ZSCAN25: variants seen among roughly 807,000 people sequenced by gnomAD.
ZSCAN25 encodes zinc finger and SCAN domain-containing protein 25.
Under a neutral mutation model 38.7 loss-of-function variants are expected in ZSCAN25, and 27 were observed. The ratio of observed to expected loss-of-function variants is 0.70; its 90% CI spans 0.51 to 0.96. The LOEUF (loss-of-function observed/expected upper bound fraction) is 0.96, where lower values mean the gene tolerates loss of function less well. ZSCAN25 is among the 40% of genes least tolerant of loss of function. ZSCAN25 has a pLI of 0.00. For missense variants in ZSCAN25, 637 were observed against 705.9 expected (o/e 0.90, Z 1.11); for synonymous variants, 273 against 277.7 (o/e 0.98, Z 0.17).
chr7:99,717,447 A>T, the ZSCAN25 span: 15 of 1,594,356 alleles, frequency 9.4e-6, no homozygotes, highest in Non-Finnish European at 1.3e-5. Context: ...CTCGGAAAGG[A>T]ACTCTGATCT....
chr7:99,693,836 C>A, the ZSCAN25 span, among the ~76,000 whole-genome samples: 1 of 152,194 alleles, frequency 6.6e-6, no homozygotes, highest in Admixed American at 6.5e-5. Context: ...TCCTATTCGG[C>A]CATCTTGGAA....
chr7:99,625,024 G>A (rs1435878118), intron 7 of ZSCAN25, among the ~76,000 whole-genome samples: 2 of 152,144 alleles, frequency 1.3e-5, no homozygotes, highest in East Asian at 3.8e-4. Context: ...ACCCCACCTA[G>A]CCTTTCCTTA....
the ZSCAN25 span, chr7:99,664,127 T>A: frequency 6.5e-7 from 1 of 1,529,498 alleles, no homozygotes; most frequent in Non-Finnish European, 8.8e-7. Context: ...CAAAAGGAAA[T>A]CATTGAAAAT....
intron 5 of ZSCAN25, 191 bp from the exon 6 acceptor site, chr7:99,622,358 C>G: frequency 1.6e-6 from 1 of 630,058 alleles, no homozygotes; most frequent in South Asian, 1.8e-5. Flanking sequence ...CAGGCCCCAG[C>G]TGAGAATAGG....
At position 99,632,050 on chromosome 7, in the gene ZSCAN25, GA is replaced by G. The variant is rs756406052; in HGVS notation, c.*2032del. ...CTCGGGGGGCTGCTTGTCATTACCT[GA>G]ATCACAGATGCTCTTTTGTCATACA... On this transcript the variant is annotated 3_prime_UTR_variant, in exon 8 of 8. Coordinates refer to ENST00000394152, the MANE Select transcript of ZSCAN25 (RefSeq NM_145115.3). 8 of 985,466 alleles carry G rather than the reference GA, an allele frequency of 8.1e-6. 1 individual carries two copies. The highest frequency in any genetic ancestry group is 9.6e-6 in the Non-Finnish European group (8 of 829,972). 61.0% of individuals were successfully genotyped at this position (985,466 alleles called of 1,614,324 possible). A position where few individuals can be genotyped will look rare whatever the true frequency, so the allele number is the denominator to read the frequency against.
At chr7:99,622,980 G>A (rs573087583) in intron 6 of ZSCAN25, among the ~76,000 whole-genome samples, 8 of 152,258 alleles carry the variant, frequency 5.3e-5, no homozygotes, top group African/African-American at 1.4e-4. Flanking sequence ...CTAATTTTTT[G>A]TATTTTTAGT....
Position 99,631,858 on chromosome 7 carries a change from C to T in ZSCAN25, c.*1838C>T, listed in dbSNP as rs961925801. 1.6e-5 allele frequency: 16 copies of T among 985,444 alleles called. No homozygotes were observed. Among genetic ancestry groups the T allele is most frequent in the Non-Finnish European group, 1.9e-5 (16 of 829,968 alleles). The allele number at this position is 985,444 out of a possible 1,614,324, so 61.0% of individuals were successfully genotyped here. ...ATGTCCACACGGGGCTGCTGCTGCT[C>T]CTCTGTAATACTGAGGTCCACATGC... On this transcript the variant is annotated 3_prime_UTR_variant, in exon 8 of 8. Coordinates refer to ENST00000394152, the MANE Select transcript of ZSCAN25 (RefSeq NM_145115.3).
the ZSCAN25 span, among the ~76,000 whole-genome samples, chr7:99,681,685 C>G: frequency 1.3e-5 from 2 of 152,158 alleles, no homozygotes; most frequent in Non-Finnish European, 2.9e-5. Context: ...GTTGTTTGAG[C>G]GCTTCATGTA....
chr7:99,717,059 C>T, the ZSCAN25 span: 2 of 1,276,098 alleles, frequency 1.6e-6, no homozygotes. Context: ...GTTGCATTAC[C>T]ACAGCCCTCC....
chr7:99,732,042 A>G, the ZSCAN25 span, among the ~76,000 whole-genome samples: 1 of 152,160 alleles, frequency 6.6e-6, no homozygotes, highest in Non-Finnish European at 1.5e-5. Flanking sequence ...GCCCCTACCC[A>G]AATCTCATGT....
At chr7:99,663,102 T>C in the ZSCAN25 span, 1 of 1,264,702 alleles carries the variant, frequency 7.9e-7, no homozygotes, top group African/African-American at 1.5e-5. Flanking sequence ...TCATGTCCAA[T>C]TGCTTTTTCG....
the ZSCAN25 span, among the ~76,000 whole-genome samples, chr7:99,637,925 T>C: frequency 6.6e-6 from 1 of 151,882 alleles, no homozygotes; most frequent in Non-Finnish European, 1.5e-5. Context: ...TCTCTCGAAA[T>C]AAAAAAAATC....
At chr7:99,720,156 A>C in the ZSCAN25 span, among the ~76,000 whole-genome samples, 1 of 152,218 alleles carries the variant, frequency 6.6e-6, no homozygotes, top group Non-Finnish European at 1.5e-5. Context: ...ATAGTTATGC[A>C]AGATTGCAAG....
the ZSCAN25 span, among the ~76,000 whole-genome samples, chr7:99,657,639 C>T: frequency 6.6e-6 from 1 of 152,054 alleles, no homozygotes; most frequent in Non-Finnish European, 1.5e-5. Context: ...GGATATCCTT[C>T]TTAACTTTCT....
At chr7:99,708,850 A>T in the ZSCAN25 span, among the ~76,000 whole-genome samples, 2 of 152,142 alleles carry the variant, frequency 1.3e-5, no homozygotes, top group African/African-American at 2.4e-5. Context: ...GACTGGCTAT[A>T]GTTTTCTTTT....
chr7:99,727,206 C>T, the ZSCAN25 span, among the ~76,000 whole-genome samples: 1 of 152,190 alleles, frequency 6.6e-6, no homozygotes, highest in Non-Finnish European at 1.5e-5. Context: ...AATTCTTACA[C>T]AAGGACTGGG....
chr7:99,705,266 A>G, the ZSCAN25 span: 19 of 452,426 alleles, frequency 4.2e-5, no homozygotes, highest in African/African-American at 3.4e-4. Context: ...AGAAGCAGAG[A>G]AGCCAAATCT....
At chr7:99,647,400 AAAAAGGAAAATGAATAGTGCTT>A in the ZSCAN25 span, 1 of 796,962 alleles carries the variant, frequency 1.3e-6, no homozygotes, top group Non-Finnish European at 1.5e-6. Context: ...TGAAAGAATA[AAAAAGGAAAATGAATAGTGCTT>A]TTAGACATGC....
At chr7:99,697,233 C>T in the ZSCAN25 span, among the ~76,000 whole-genome samples, 2 of 152,164 alleles carry the variant, frequency 1.3e-5, no homozygotes, top group Admixed American at 1.3e-4. Flanking sequence ...CTGCTGCTCC[C>T]TATGGCAGGC....
Sources: allele counts gnomAD v4.1 joint callset (sites outside exome capture counted in the v4.1 genomes callset), GRCh38; gene constraint gnomAD v4.1.1; transcripts MANE v1.5; gene names NCBI Gene and HGNC (gene_info 2026-07-23, HGNC 2026-07-21).